Variants in WDPCP observed in about 807,000 individuals in gnomAD.
The protein encoded by WDPCP is WD repeat containing planar cell polarity effector.
Under a neutral mutation model 93.1 loss-of-function variants are expected in WDPCP, and 71 were observed. That is an observed-to-expected ratio of 0.76 (90% confidence interval 0.63 to 0.93). The LOEUF is 0.93. WDPCP is among the 40% of genes least tolerant of loss of function. The pLI, the probability that WDPCP is intolerant of heterozygous loss-of-function variation, is 0.00. For synonymous variants in WDPCP, 315 were observed against 315.0 expected (o/e 1.00, Z 0.00); for missense variants, 844 against 887.4 (o/e 0.95, Z 0.62).
chr2:63,558,419 T>G (rs939041338), intron 1 of WDPCP, among the ~76,000 whole-genome samples: 2 of 151,738 alleles, frequency 1.3e-5, no homozygotes, highest in Admixed American at 6.6e-5. Context: ...TCCCAGCTAC[T>G]TGGGAGGCTT....
At chr2:63,328,901 T>G (rs12713485) in intron 12 of WDPCP, among the ~76,000 whole-genome samples, 83,928 of 151,784 alleles carry the variant, frequency 0.55, 23,530 homozygotes, top group Admixed American at 0.63. Context: ...CCAATTTTTT[T>G]TATCTTTTGT....
intron 1 of WDPCP, among the ~76,000 whole-genome samples, chr2:63,583,201 G>A (rs1041536533): frequency 2.6e-5 from 4 of 151,986 alleles, no homozygotes; most frequent in Non-Finnish European, 2.9e-5. Flanking sequence ...CTATGATAAA[G>A]GATGTATGCT....
chr2:63,809,113 C>T (rs1575779104), intron 2 of WDPCP, among the ~76,000 whole-genome samples: 1 of 151,774 alleles, frequency 6.6e-6, no homozygotes, highest in East Asian at 2.0e-4. Context: ...CGGCAGCCGC[C>T]CTGTCTGGGA....
In WDPCP at chr2:63,160,268, G is replaced by A. The variant is rs146807435; in HGVS notation, c.2079-6694C>T. ...GTGAGTATATAGTATCTGTTATTTA[G>A]ATATACTGTAATTTAGTCATTAATT... On this transcript the variant is annotated intron_variant, in intron 15 of 17. Transcript: ENST00000272321. 1.8e-3 allele frequency among the ~76,000 whole-genome samples: 275 copies of A among 152,194 alleles called. 2 individuals are homozygous for A. Among genetic ancestry groups the A allele is most frequent in the African/African-American group, 6.2e-3 (257 of 41,528 alleles).
chr2:63,600,478 CTG>C (rs1388705681), intron 3 of WDPCP, among the ~76,000 whole-genome samples: 1 of 152,142 alleles, frequency 6.6e-6, no homozygotes, highest in African/African-American at 2.4e-5. Context: ...CTTACTAGCT[CTG>C]TGATTTTGAG....
intron 12 of WDPCP, among the ~76,000 whole-genome samples, chr2:63,317,042 G>A (rs1055671070): frequency 1.3e-5 from 2 of 152,140 alleles, no homozygotes; most frequent in African/African-American, 4.8e-5. Context: ...AAAGAAATTA[G>A]AGATGACATA....
intron 14 of WDPCP, among the ~76,000 whole-genome samples, chr2:63,206,517 C>T (rs919443475): frequency 1.3e-5 from 2 of 152,008 alleles, no homozygotes; most frequent in African/African-American, 4.8e-5. Flanking sequence ...AGTGCAGTGG[C>T]TCATGGCTCA....
intron 6 of WDPCP, among the ~76,000 whole-genome samples, chr2:63,458,008 C>T (rs2105722762): frequency 6.6e-6 from 1 of 151,682 alleles, no homozygotes; most frequent in East Asian, 1.9e-4. Context: ...CCTGTAGTCC[C>T]AGCTACTTGG....
intron 17 of WDPCP, among the ~76,000 whole-genome samples, chr2:63,134,643 A>T (rs1670497992): frequency 6.6e-6 from 1 of 152,214 alleles, no homozygotes; most frequent in Non-Finnish European, 1.5e-5. Flanking sequence ...GAAACTTGTA[A>T]AATTCACATA....
chr2:63,671,324 C>T (rs1412395778), intron 2 of WDPCP, among the ~76,000 whole-genome samples: 1 of 152,170 alleles, frequency 6.6e-6, no homozygotes, highest in Non-Finnish European at 1.5e-5. Flanking sequence ...ACTAACAGTC[C>T]CATTTCTCAG....
chr2:63,354,498 G>A (rs559156171), intron 12 of WDPCP, among the ~76,000 whole-genome samples: 1 of 152,320 alleles, frequency 6.6e-6, no homozygotes, highest in Admixed American at 6.5e-5. Context: ...TAGGGAAAAT[G>A]GCTGCAACTG....
At chr2:63,738,227 T>G (rs1322570483) in intron 2 of WDPCP, among the ~76,000 whole-genome samples, 1 of 152,106 alleles carries the variant, frequency 6.6e-6, no homozygotes, top group African/African-American at 2.4e-5. Context: ...GAAAATTCTG[T>G]GAGTCTCAAT....
At chr2:63,556,295 G>T (rs1188141624) in intron 1 of WDPCP, among the ~76,000 whole-genome samples, 2 of 152,196 alleles carry the variant, frequency 1.3e-5, no homozygotes, top group Non-Finnish European at 2.9e-5. Context: ...GACAAGATTA[G>T]AGATAAAAGA....
chr2:63,230,455 A>G (rs1678757372), intron 14 of WDPCP, among the ~76,000 whole-genome samples: 1 of 152,150 alleles, frequency 6.6e-6, no homozygotes, highest in Non-Finnish European at 1.5e-5. Context: ...TATGCCCAGT[A>G]ATGGGATGGC....
At chr2:63,451,474 T>TC (rs925343512) in intron 6 of WDPCP, among the ~76,000 whole-genome samples, 2 of 152,036 alleles carry the variant, frequency 1.3e-5, no homozygotes, top group Non-Finnish European at 2.9e-5. Context: ...CCAAAAAAAG[T>TC]CCAGGACCAG....
Position 63,122,057 on chromosome 2 carries a change from C to T in WDPCP, c.2191-1G>A, listed in dbSNP as rs1669578231. The stretch of plus-strand genomic sequence containing the variant: ...TGAGAGAACCACCATCTCTGATTTC[C>T]TGCAAATAAACAAATAAAAATAATG... On this transcript the variant is annotated splice_acceptor_variant, in intron 17 of 17. Transcript: ENST00000272321. LOFTEE classifies it high-confidence loss of function. The T allele has an allele frequency of 6.2e-7, 1 of 1,603,156 alleles. No individual in the cohort carries two copies. The highest frequency in any genetic ancestry group is 1.3e-5 in the African/African-American group (1 of 74,666).
chr2:63,473,954 A>G (rs1056610335), intron 6 of WDPCP, among the ~76,000 whole-genome samples: 1 of 152,144 alleles, frequency 6.6e-6, no homozygotes, highest in Admixed American at 6.6e-5. Flanking sequence ...GAATCCTGGT[A>G]TGACTTACTA....
At chr2:63,229,075 C>T (rs62177787) in intron 14 of WDPCP, 1 of 152,042 alleles carries the variant, frequency 6.6e-6, no homozygotes, top group African/African-American at 2.4e-5. Context: ...CCTATTTCTC[C>T]ACATCCTCTC....
intron 1 of WDPCP, among the ~76,000 whole-genome samples, chr2:63,820,130 T>G (rs1558918767): frequency 6.6e-6 from 1 of 152,184 alleles, no homozygotes; most frequent in East Asian, 1.9e-4. Context: ...TTACTGTCAT[T>G]GTTATGACTT....
Sources: gnomAD v4.1 joint callset for allele counts (sites outside exome capture counted in the v4.1 genomes callset) on GRCh38, gnomAD v4.1.1 for gene constraint, MANE v1.5 for transcripts, NCBI Gene and HGNC (gene_info 2026-07-23, HGNC 2026-07-21) for gene names.